The following ROBO2 variants were observed in gnomAD, a reference collection of about 807,000 sequenced individuals.
ROBO2 encodes the protein roundabout guidance receptor 2, also known as roundabout homolog 2.
A neutral mutation model predicts 160.8 loss-of-function variants in ROBO2; 53 were observed. The ratio of observed to expected loss-of-function variants is 0.33; its 90% CI spans 0.26 to 0.41. ROBO2 has a LOEUF of 0.41. Among genes scored for constraint, ROBO2 ranks in the 10% least tolerant of loss-of-function variants. The pLI is 1.00. For missense variants in ROBO2, 1,577 were observed against 1,722.4 expected (o/e 0.92, Z 1.49); for synonymous variants, 664 against 611.7 (o/e 1.09, Z -1.26).
intron 2 of ROBO2, among the ~76,000 whole-genome samples, chr3:76,123,970 T>G (rs1326361762): frequency 6.6e-6 from 1 of 152,156 alleles, no homozygotes; most frequent in African/African-American, 2.4e-5. Context: ...AGCTTATATA[T>G]TCACTGTTGT....
chr3:76,490,159 T>A (rs1320570448), intron 2 of ROBO2, among the ~76,000 whole-genome samples: 1 of 152,166 alleles, frequency 6.6e-6, no homozygotes, highest in Non-Finnish European at 1.5e-5. Flanking sequence ...TTCCTCCTTT[T>A]TATGACGAAA....
chr3:76,219,809 T>C (rs534312469), intron 2 of ROBO2, among the ~76,000 whole-genome samples: 98 of 152,250 alleles, frequency 6.4e-4, no homozygotes, highest in African/African-American at 2.2e-3. Flanking sequence ...CCATTTGACT[T>C]AGCCATCCCA....
At chr3:76,397,098 A>G (rs977538394) in intron 2 of ROBO2, among the ~76,000 whole-genome samples, 2 of 152,152 alleles carry the variant, frequency 1.3e-5, no homozygotes, top group East Asian at 1.9e-4. Flanking sequence ...AGTAACCAAA[A>G]CGGCATGATA....
chr3:76,876,440 T>G (rs1577193340), intron 2 of ROBO2, among the ~76,000 whole-genome samples: 1 of 152,164 alleles, frequency 6.6e-6, no homozygotes, highest in East Asian at 1.9e-4. Context: ...TTTATGAGGC[T>G]GAGGCAGACA....
chr3:76,160,269 A>G (rs1402877531), intron 2 of ROBO2, among the ~76,000 whole-genome samples: 1 of 152,088 alleles, frequency 6.6e-6, no homozygotes, highest in African/African-American at 2.4e-5. Context: ...TCAGAACTTG[A>G]TTCCACTTGT....
chr3:76,468,842 C>T (rs1217366077), intron 2 of ROBO2, among the ~76,000 whole-genome samples: 1 of 152,062 alleles, frequency 6.6e-6, no homozygotes, highest in African/African-American at 2.4e-5. Context: ...ACCATTCGCC[C>T]TCTACCTAGA....
chr3:76,489,549 A>G (rs1036915814), intron 2 of ROBO2, among the ~76,000 whole-genome samples: 13 of 152,308 alleles, frequency 8.5e-5, no homozygotes, highest in African/African-American at 3.1e-4. Context: ...AGTAAGTAGT[A>G]AGAAGTTTTC....
chr3:77,468,430 A>G (rs1240490051), intron 2 of ROBO2, among the ~76,000 whole-genome samples: 1 of 152,216 alleles, frequency 6.6e-6, no homozygotes, highest in Non-Finnish European at 1.5e-5. Flanking sequence ...TATGCATTAC[A>G]GAGGTTATGG....
intron 4 of ROBO2, among the ~76,000 whole-genome samples, chr3:77,487,836 G>C (rs2085558586): frequency 6.6e-6 from 1 of 152,142 alleles, no homozygotes; most frequent in South Asian, 2.1e-4. Context: ...ATAATGTTAA[G>C]CGAAGTTTAT....
intron 2 of ROBO2, among the ~76,000 whole-genome samples, chr3:77,403,923 G>A (rs2076042499): frequency 6.6e-6 from 1 of 151,830 alleles, no homozygotes; most frequent in African/African-American, 2.4e-5. Flanking sequence ...GCTTGGAATA[G>A]GTCACTTTTC....
intron 2 of ROBO2, among the ~76,000 whole-genome samples, chr3:76,993,692 G>A (rs1559814774): frequency 1.3e-5 from 2 of 152,100 alleles, no homozygotes; most frequent in Non-Finnish European, 2.9e-5. Context: ...ACTTTGATGG[G>A]AAGGGGTCCT....
intron 2 of ROBO2, among the ~76,000 whole-genome samples, chr3:76,956,786 G>T (rs899585136): frequency 2.6e-5 from 4 of 152,046 alleles, no homozygotes; most frequent in Middle Eastern, 6.8e-3. Flanking sequence ...AAATCCCAGG[G>T]CCCAACCTCA....
chr3:76,308,393 A>AAAAG (rs2071422590), intron 2 of ROBO2, among the ~76,000 whole-genome samples: 1 of 151,070 alleles, frequency 6.6e-6, no homozygotes, highest in Non-Finnish European at 1.5e-5. Context: ...AAAAAAAAAA[A>AAAAG]AAAAGAAAGA....
intron 2 of ROBO2, among the ~76,000 whole-genome samples, chr3:77,197,930 G>A (rs1249747738): frequency 6.6e-6 from 1 of 152,156 alleles, no homozygotes; most frequent in Admixed American, 6.5e-5. Context: ...CTTTGAAGAT[G>A]GGGGTGAGGG....
intron 2 of ROBO2, among the ~76,000 whole-genome samples, chr3:77,279,033 C>T (rs1016987522): frequency 6.6e-6 from 1 of 152,034 alleles, no homozygotes; most frequent in African/African-American, 2.4e-5. Flanking sequence ...TAATCATATT[C>T]CTTAGATTCT....
At chr3:77,402,757 A>T (rs2075918130) in intron 2 of ROBO2, among the ~76,000 whole-genome samples, 1 of 152,088 alleles carries the variant, frequency 6.6e-6, no homozygotes, top group Admixed American at 6.6e-5. Context: ...ATAGGGAAGA[A>T]TCAGGAGAGA....
intron 2 of ROBO2, among the ~76,000 whole-genome samples, chr3:76,750,665 A>C (rs572444057): frequency 5.1e-4 from 78 of 152,250 alleles, no homozygotes; most frequent in African/African-American, 1.8e-3. Flanking sequence ...ACAAACAGAG[A>C]GCCAAATCAT....
chr3:77,118,864 A>G (rs1396385119), intron 2 of ROBO2, among the ~76,000 whole-genome samples: 1 of 152,160 alleles, frequency 6.6e-6, no homozygotes, highest in African/African-American at 2.4e-5. Context: ...CGTGTAGCCT[A>G]TTGCTTCTAG....
At chr3:76,820,754 A>G (rs189802498) in intron 2 of ROBO2, among the ~76,000 whole-genome samples, 146 of 152,086 alleles carry the variant, frequency 9.6e-4, no homozygotes, top group African/African-American at 3.4e-3. Flanking sequence ...TGTTTACAAT[A>G]TGTAGTAATG....
Sources: allele counts gnomAD v4.1 joint callset (sites outside exome capture counted in the v4.1 genomes callset), GRCh38; gene constraint gnomAD v4.1.1; transcripts MANE v1.5; gene names NCBI Gene and HGNC (gene_info 2026-07-23, HGNC 2026-07-21).